The following ZFPM2 variants were observed in gnomAD, a reference collection of about 807,000 sequenced individuals.
The protein encoded by ZFPM2 is zinc finger protein ZFPM2.
A neutral mutation model predicts 98.6 loss-of-function variants in ZFPM2; 20 were observed. That is an observed-to-expected ratio of 0.20 (90% CI 0.14 to 0.29). ZFPM2 has a LOEUF of 0.29. ZFPM2 is among the 10% of genes least tolerant of loss of function. ZFPM2 has a pLI of 1.00. For synonymous variants in ZFPM2, 518 were observed against 502.7 expected (o/e 1.03, Z -0.41); for missense variants, 1,310 against 1,388.6 (o/e 0.94, Z 0.90).
chr8:105,794,765 C>T (rs1488490840), intron 6 of ZFPM2, among the ~76,000 whole-genome samples: 2 of 152,218 alleles, frequency 1.3e-5, no homozygotes, highest in African/African-American at 2.4e-5. Context: ...CTTTGTTTAC[C>T]TAAGCAAGCC....
intron 1 of ZFPM2, among the ~76,000 whole-genome samples, chr8:105,363,655 T>C (rs1038435351): frequency 1.3e-5 from 2 of 152,064 alleles, no homozygotes; most frequent in African/African-American, 4.8e-5. Context: ...TCTCTTACCA[T>C]GAGGCCATGT....
chr8:105,544,737 A>AC (rs769374967), intron 3 of ZFPM2, among the ~76,000 whole-genome samples: 10 of 152,136 alleles, frequency 6.6e-5, no homozygotes, highest in African/African-American at 1.2e-4. Context: ...AAGAAAAGTG[A>AC]CCCCCCAAAT....
chr8:105,461,701 A>G (rs1200653510), intron 3 of ZFPM2, among the ~76,000 whole-genome samples: 1 of 152,122 alleles, frequency 6.6e-6, no homozygotes, highest in Non-Finnish European at 1.5e-5. Flanking sequence ...ACTATGTATT[A>G]AGAGTTTACT....
chr8:105,728,207 A>G (rs187298795), intron 5 of ZFPM2, among the ~76,000 whole-genome samples: 259 of 151,792 alleles, frequency 1.7e-3, no homozygotes, highest in African/African-American at 6.0e-3. Context: ...TAGATTGAGT[A>G]AAAATATAGA....
At chr8:105,642,907 A>G (rs1363374612) in intron 5 of ZFPM2, among the ~76,000 whole-genome samples, 1 of 152,174 alleles carries the variant, frequency 6.6e-6, no homozygotes, top group East Asian at 1.9e-4. Context: ...AAAAGCTCCT[A>G]GGCTACAATG....
chr8:105,614,750 C>T (rs377098935), intron 4 of ZFPM2, among the ~76,000 whole-genome samples: 1 of 152,200 alleles, frequency 6.6e-6, no homozygotes, highest in South Asian at 2.1e-4. Context: ...TCCTTCCCCC[C>T]AAATCTTTGC....
chr8:105,773,855 G>A (rs551474019), intron 5 of ZFPM2, among the ~76,000 whole-genome samples: 1 of 151,976 alleles, frequency 6.6e-6, no homozygotes, highest in African/African-American at 2.4e-5. Flanking sequence ...TAAAAGACAT[G>A]ATAAGTCAAC....
chr8:105,625,144 A>G (rs1204402157), intron 4 of ZFPM2, among the ~76,000 whole-genome samples: 2 of 152,158 alleles, frequency 1.3e-5, no homozygotes, highest in African/African-American at 2.4e-5. Flanking sequence ...TCGTTATAGG[A>G]TGTTGCTAAT....
intron 5 of ZFPM2, among the ~76,000 whole-genome samples, chr8:105,649,175 T>C (rs2130864593): frequency 6.6e-6 from 1 of 152,312 alleles, no homozygotes; most frequent in East Asian, 1.9e-4. Flanking sequence ...TTCGGCCCCC[T>C]CTTTGTCTGC....
At chr8:105,723,835 A>AT (rs1005707355) in intron 5 of ZFPM2, among the ~76,000 whole-genome samples, 4 of 151,350 alleles carry the variant, frequency 2.6e-5, no homozygotes, top group African/African-American at 7.3e-5. Flanking sequence ...CCTTTGTGGC[A>AT]TTTTTTTCTC....
At chr8:105,783,175 G>A (rs1192105254) in intron 5 of ZFPM2, among the ~76,000 whole-genome samples, 1 of 149,380 alleles carries the variant, frequency 6.7e-6, no homozygotes. Flanking sequence ...TAGGAAAGTC[G>A]AGAAGGAAGA....
chr8:105,653,101 C>T (rs1419768092), intron 5 of ZFPM2, among the ~76,000 whole-genome samples: 1 of 152,040 alleles, frequency 6.6e-6, no homozygotes, highest in Admixed American at 6.6e-5. Flanking sequence ...TGCATTTTGA[C>T]TAGAGATACA....
At chr8:105,651,970 G>A (rs867641524) in intron 5 of ZFPM2, among the ~76,000 whole-genome samples, 2 of 152,120 alleles carry the variant, frequency 1.3e-5, no homozygotes, top group Non-Finnish European at 2.9e-5. Flanking sequence ...CCTTTGAAAT[G>A]TTGCATATAT....
At chr8:105,567,424 A>G (rs972677515) in intron 4 of ZFPM2, among the ~76,000 whole-genome samples, 7 of 151,556 alleles carry the variant, frequency 4.6e-5, no homozygotes, top group Non-Finnish European at 1.0e-4. Context: ...CCTCTTGGTT[A>G]GGATATAAGA....
At chr8:105,521,084 C>A (rs375025324) in intron 3 of ZFPM2, among the ~76,000 whole-genome samples, 26 of 151,782 alleles carry the variant, frequency 1.7e-4, no homozygotes, top group African/African-American at 5.8e-4. Flanking sequence ...GCCCACAGTT[C>A]TTGCTGTCTG....
chr8:105,474,849 G>C (rs1187708799), intron 3 of ZFPM2, among the ~76,000 whole-genome samples: 1 of 132,240 alleles, frequency 7.6e-6, no homozygotes, highest in Non-Finnish European at 1.6e-5. Context: ...CTCAAGTCAA[G>C]CATAACAAAC....
chr8:105,524,394 C>G (rs1441298957), intron 3 of ZFPM2, among the ~76,000 whole-genome samples: 1 of 152,048 alleles, frequency 6.6e-6, no homozygotes, highest in East Asian at 1.9e-4. Flanking sequence ...ACTTATCACT[C>G]CTTTCCGTTT....
chr8:105,690,073 G>A (rs1469724450), intron 5 of ZFPM2, among the ~76,000 whole-genome samples: 2 of 152,116 alleles, frequency 1.3e-5, no homozygotes, highest in African/African-American at 4.8e-5. Flanking sequence ...ATATCCTAAG[G>A]AACTTGCATA....
chr8:105,575,117 C>T (rs2130729297), intron 4 of ZFPM2, among the ~76,000 whole-genome samples: 1 of 152,152 alleles, frequency 6.6e-6, no homozygotes. Context: ...GCACAAGTGT[C>T]CCCCCGCCTC....
Sources: allele counts gnomAD v4.1 joint callset (sites outside exome capture counted in the v4.1 genomes callset), GRCh38; gene constraint gnomAD v4.1.1; transcripts MANE v1.5; gene names NCBI Gene and HGNC (gene_info 2026-07-23, HGNC 2026-07-21).